The following TBC1D5 variants were observed in gnomAD, a reference collection of about 807,000 sequenced individuals.
TBC1D5 encodes the protein TBC1 domain family member 5.
TBC1D5 carries 75 observed loss-of-function variants against 100.3 expected under a neutral mutation model. That is an observed-to-expected ratio of 0.75 (90% CI 0.62 to 0.91). TBC1D5 has a LOEUF of 0.91. TBC1D5 is among the 40% of genes least tolerant of loss of function. The probability of loss-of-function intolerance (pLI) is 0.00; values close to 1 mark genes in which losing one functional copy is unlikely to be tolerated. For missense variants in TBC1D5, 910 were observed against 942.4 expected (o/e 0.97, Z 0.45); for synonymous variants, 323 against 325.6 (o/e 0.99, Z 0.09).
chr3:17,366,309 A>C (rs985702796), intron 13 of TBC1D5, among the ~76,000 whole-genome samples: 1 of 152,078 alleles, frequency 6.6e-6, no homozygotes, highest in Non-Finnish European at 1.5e-5. Flanking sequence ...CAAACAAAAA[A>C]AAACAAAAAA....
At chr3:17,529,514 G>A (rs1483458653) in intron 2 of TBC1D5, among the ~76,000 whole-genome samples, 4 of 152,034 alleles carry the variant, frequency 2.6e-5, no homozygotes, top group Admixed American at 1.3e-4. Flanking sequence ...GGGGAAGAGG[G>A]TATGATGGAA....
chr3:17,378,367 C>T (rs1237954225), intron 9 of TBC1D5, among the ~76,000 whole-genome samples: 1 of 151,826 alleles, frequency 6.6e-6, no homozygotes. Context: ...ATAAAAATCA[C>T]TCTCTCACAC....
At chr3:17,537,486 G>C (rs866703614) in intron 2 of TBC1D5, among the ~76,000 whole-genome samples, 3 of 152,166 alleles carry the variant, frequency 2.0e-5, no homozygotes, top group Non-Finnish European at 4.4e-5. Context: ...TCTTGGCCAA[G>C]AGGGGGTCTG....
intron 13 of TBC1D5, among the ~76,000 whole-genome samples, chr3:17,329,820 T>C (rs1229442572): frequency 6.6e-6 from 1 of 152,156 alleles, no homozygotes; most frequent in Non-Finnish European, 1.5e-5. Context: ...TAAGAACTAG[T>C]ACTTTGGATT....
chr3:17,418,601 TAA>T (rs544718817), intron 4 of TBC1D5, among the ~76,000 whole-genome samples: 1 of 136,504 alleles, frequency 7.3e-6, no homozygotes, highest in Non-Finnish European at 1.6e-5. Context: ...CCCCATCTAA[TAA>T]AAAAAAAAAA....
chr3:17,163,258 C>A (rs548447457), intron 21 of TBC1D5, among the ~76,000 whole-genome samples: 43 of 56,814 alleles, frequency 7.6e-4, no homozygotes, highest in African/African-American at 4.7e-3. Flanking sequence ...TTTATTGACC[C>A]CCCCCCCTTC....
chr3:17,570,953 T>C (rs2096623420), intron 2 of TBC1D5, among the ~76,000 whole-genome samples: 1 of 152,042 alleles, frequency 6.6e-6, no homozygotes. Flanking sequence ...ATATACAGGT[T>C]TTCGAGGTGT....
Position 17,215,016 on chromosome 3 carries a change from G to A in TBC1D5, c.1589-646C>T, listed in dbSNP as rs150466529. Among the ~76,000 whole-genome samples, 1,371 of 152,166 alleles carry A rather than the reference G, an allele frequency of 9.0e-3. 10 individuals are homozygous for A. The highest frequency in any genetic ancestry group is 0.034 in the Middle Eastern group (10 of 294). ...AGCTAAGAGCAAGGAGGAGAAGGGT[G>A]AGAGATGAGGTTTGAGAGCAAGCAG... On this transcript the variant is annotated intron_variant, in intron 17 of 21. Coordinates refer to ENST00000253692, the Ensembl canonical transcript of TBC1D5.
chr3:17,713,857 A>G (rs1047710125), intron 1 of TBC1D5, among the ~76,000 whole-genome samples: 19 of 152,200 alleles, frequency 1.2e-4, no homozygotes, highest in African/African-American at 3.6e-4. Context: ...ATGGCAAAGT[A>G]GGGAGCTCCA....
At chr3:17,248,155 C>A (rs1241824202) in intron 16 of TBC1D5, among the ~76,000 whole-genome samples, 1 of 152,098 alleles carries the variant, frequency 6.6e-6, no homozygotes, top group Non-Finnish European at 1.5e-5. Flanking sequence ...CCACACCCAG[C>A]TAATTTTTGT....
chr3:17,672,708 G>C (rs186001193), intron 1 of TBC1D5: 1 of 152,186 alleles, frequency 6.6e-6, no homozygotes, highest in South Asian at 2.1e-4. Context: ...GGATCGGCCT[G>C]TAAAGACAGG....
At chr3:17,493,245 T>TTA (rs2095661583) in intron 3 of TBC1D5, among the ~76,000 whole-genome samples, 1 of 151,978 alleles carries the variant, frequency 6.6e-6, no homozygotes, top group East Asian at 1.9e-4. Context: ...TTTTTTTTTT[T>TTA]TAAGAATGTT....
rs566849006 is a variant in TBC1D5, at chr3:17,452,693, T to C, written c.98-24174A>G. Among the ~76,000 whole-genome samples the C allele has an allele frequency of 1.2e-4, 19 of 152,156 alleles. No individual in the cohort carries two copies. The East Asian group carries it at 2.9e-3, about 23-fold the overall frequency. ...ATATTATTAAAGCTAAAGAGACACA[T>C]AGACACTAACACAATAATAGCTAGA... On this transcript the variant is annotated intron_variant, in intron 3 of 21. Coordinates refer to ENST00000253692, the Ensembl canonical transcript of TBC1D5.
chr3:17,308,131 C>A, exon 14 of TBC1D5: 1 of 1,570,528 alleles, frequency 6.4e-7, no homozygotes. Context: ...GCCGCACCCA[C>A]CTTCTGGAAA....
chr3:17,167,905 G>A (rs1452851830), intron 19 of TBC1D5, 77 bp from the exon 21 acceptor site: 5 of 1,089,650 alleles, frequency 4.6e-6, no homozygotes, highest in South Asian at 3.2e-5. Context: ...AACTTCAGAC[G>A]GGCTTGGGAA....
intron 1 of TBC1D5, among the ~76,000 whole-genome samples, chr3:17,721,987 A>G (rs900241045): frequency 3.9e-5 from 6 of 152,094 alleles, no homozygotes; most frequent in Non-Finnish European, 5.9e-5. Context: ...GTCTCAAAAA[A>G]TTAATTAATT....
intron 3 of TBC1D5, among the ~76,000 whole-genome samples, chr3:17,467,516 A>G (rs2150064216): frequency 6.6e-6 from 1 of 152,124 alleles, no homozygotes; most frequent in East Asian, 1.9e-4. Flanking sequence ...AGACAAAAAA[A>G]GTTACATTTA....
intron 1 of TBC1D5, among the ~76,000 whole-genome samples, chr3:17,736,812 A>G (rs2076996447): frequency 6.6e-6 from 1 of 152,166 alleles, no homozygotes; most frequent in Non-Finnish European, 1.5e-5. Context: ...GGAGTTTGAG[A>G]CCAGCCTGAA....
intron 2 of TBC1D5, among the ~76,000 whole-genome samples, chr3:17,527,596 G>A (rs2096155096): frequency 6.6e-6 from 1 of 152,078 alleles, no homozygotes; most frequent in Non-Finnish European, 1.5e-5. Context: ...CTTCAGAAAA[G>A]AGCCCTTCCT....
Sources: allele counts gnomAD v4.1 joint callset (sites outside exome capture counted in the v4.1 genomes callset), GRCh38; gene constraint gnomAD v4.1.1; transcripts MANE v1.5; gene names NCBI Gene and HGNC (gene_info 2026-07-23, HGNC 2026-07-21).